GPR180: variants seen among roughly 807,000 people sequenced by gnomAD.
GPR180 encodes G protein-coupled receptor 180.
GPR180 carries 53 observed loss-of-function variants against 52.6 expected under a neutral mutation model. That is an observed-to-expected ratio of 1.01 (90% confidence interval 0.81 to 1.27). The LOEUF is 1.27. Ranked by LOEUF, GPR180 falls within the 50% of genes most tolerant of loss-of-function variation. GPR180 has a pLI of 0.00. For missense variants in GPR180, 533 were observed against 527.0 expected, an observed-to-expected ratio of 1.01 and a Z score of -0.11; for synonymous variants, 200 against 193.1, an observed-to-expected ratio of 1.04 and a Z score of -0.30.
rs554805953 is a variant in GPR180 at position 94,618,697 on chromosome 13, C to T, written c.506-453C>T. ...GTTTATAACAAATTCCCTGGTGATG[C>T]TGCTGGGCAAGAGAACACACTTTGA... On this transcript the variant is annotated intron_variant, in intron 3 of 8. Transcript: ENST00000376958. Among the ~76,000 whole-genome samples, 9 of 152,122 alleles carry T rather than the reference C, an allele frequency of 5.9e-5. No homozygotes were observed. The South Asian group carries it at 1.5e-3, about 25-fold the overall frequency.
intron 3 of GPR180, among the ~76,000 whole-genome samples, chr13:94,613,441 T>C (rs926327092): frequency 6.6e-6 from 1 of 152,162 alleles, no homozygotes; most frequent in Non-Finnish European, 1.5e-5. Flanking sequence ...GATAGAATGG[T>C]GTGCTAATTT....
intron 7 of GPR180, among the ~76,000 whole-genome samples, chr13:94,625,554 G>A (rs1889917919): frequency 6.6e-6 from 1 of 152,064 alleles, no homozygotes; most frequent in Admixed American, 6.6e-5. Context: ...CCCTCAAACA[G>A]GTAACGACTA....
At chr13:94,613,726 A>T (rs1163126827) in intron 3 of GPR180, among the ~76,000 whole-genome samples, 1 of 152,218 alleles carries the variant, frequency 6.6e-6, no homozygotes, top group Non-Finnish European at 1.5e-5. Flanking sequence ...ATAGATCATT[A>T]TTGGAAGTTA....
In GPR180 at chr13:94,619,180, T is replaced by TA. The variant is rs754031443; in HGVS notation, c.537dup (p.Val180SerfsTer18). 6.2e-7 allele frequency: 1 copy of TA among 1,614,100 alleles called. No individual in the cohort carries two copies. Among genetic ancestry groups the TA allele is most frequent in the Non-Finnish European group, 8.5e-7 (1 of 1,179,984 alleles). On this transcript the variant is annotated frameshift_variant, in exon 4 of 9. Transcript: ENST00000376958. LOFTEE classifies it high-confidence loss of function. ...CATGAGTTCTTTTTCCTCCTAGTCCTAGTGTACTTTGTGATTGCTTGCATT... is the reference window on the plus strand; with the variant it reads ...CATGAGTTCTTTTTCCTCCTAGTCCTAAGTGTACTTTGTGATTGCTTGCATT...
Position 94,612,385 on chromosome 13 carries a change from A to C in GPR180, c.500A>C (p.Glu167Ala), listed in dbSNP as rs1331119896. Residue 167 changes from glutamate to alanine, a missense_variant, in exon 3 of 9, where the codon GAA (glutamate) becomes GCA (alanine). By Grantham distance (107) the Glu-to-Ala change is moderately radical. Coordinates refer to ENST00000376958, the MANE Select transcript of GPR180 (RefSeq NM_180989.6). ...CCATTTGATCATTTTAGTGCTGGAG[A>C]ATCTGGTAAGAATATGTATTTGAAT... is the stretch of plus-strand genomic sequence containing the variant. ...GNPFDHFSAGESGLHEFFFLL... is the reference protein window; with the variant it reads ...GNPFDHFSAGASGLHEFFFLL... The C allele has an allele frequency of 1.3e-6, 2 of 1,599,874 alleles. No individual in the cohort carries two copies. Among genetic ancestry groups the C allele is most frequent in the African/African-American group, 2.7e-5 (2 of 74,790 alleles).
At chr13:94,619,960 GAT>G (rs1341993292) in intron 5 of GPR180, among the ~76,000 whole-genome samples, 1 of 152,144 alleles carries the variant, frequency 6.6e-6, no homozygotes, top group Admixed American at 6.5e-5. Flanking sequence ...GGGCTTGAGG[GAT>G]CCACCCACCC....
intron 2 of GPR180, among the ~76,000 whole-genome samples, chr13:94,610,042 C>G (rs1051952926): frequency 2.6e-5 from 4 of 152,216 alleles, no homozygotes; most frequent in African/African-American, 9.6e-5. Context: ...TGCTTAGACT[C>G]AATAATTGTT....
intron 3 of GPR180, among the ~76,000 whole-genome samples, chr13:94,616,933 A>G (rs1566979620): frequency 6.6e-6 from 1 of 152,238 alleles, no homozygotes. Flanking sequence ...GGGAAGAATC[A>G]TCTAAAATTC....
rs116562496 is a variant in GPR180 at position 94,616,002 on chromosome 13, C to G, written c.506-3148C>G. Among the ~76,000 whole-genome samples the G allele has an allele frequency of 2.9e-3, 434 of 152,206 alleles. 2 individuals are homozygous for G. Among genetic ancestry groups the G allele is most frequent in the African/African-American group, 9.5e-3 (396 of 41,520 alleles). On this transcript the variant is annotated intron_variant, in intron 3 of 8. Transcript: ENST00000376958. ...CATAACAAGAAGTTTTGCGGCTTCT[C>G]CAGGGTGGTTTATTTAGCATCTCTC...
intron 6 of GPR180, 55 bp from the exon 7 acceptor site, chr13:94,623,054 A>G (rs1889872374): frequency 7.7e-7 from 1 of 1,302,012 alleles, no homozygotes; most frequent in African/African-American, 1.5e-5. Flanking sequence ...TGAAAAAAAT[A>G]TTGTAATGAG....
Position 94,619,535 on chromosome 13 carries a change from C to T in GPR180, c.736+18C>T, listed in dbSNP as rs1889825863. 3.7e-6 allele frequency: 6 copies of T among 1,602,784 alleles called. No individual in the cohort carries two copies. Among genetic ancestry groups the T allele is most frequent in the Non-Finnish European group, 5.1e-6 (6 of 1,172,376 alleles). On this transcript the variant is annotated intron_variant, in intron 5 of 8. Transcript: ENST00000376958. ...GGCAGAATGTGAGTATCTTTCTGAG[C>T]ATTTTTTAAAAAGCTTTTACACTCG...
intron 2 of GPR180, among the ~76,000 whole-genome samples, chr13:94,607,076 A>T (rs1048661099): frequency 1.3e-5 from 2 of 152,182 alleles, no homozygotes; most frequent in Non-Finnish European, 2.9e-5. Flanking sequence ...TCCCTGTTTT[A>T]AGAATTGGCA....
chr13:94,629,185 C>T lies in GPR180; in HGVS notation c.*2014C>T, dbSNP rs773155249. 42 of 152,074 alleles carry T rather than the reference C, an allele frequency of 2.8e-4. No homozygotes were observed. The highest frequency in any genetic ancestry group is 2.8e-4 in the Non-Finnish European group (19 of 67,974). 9.4% of individuals were successfully genotyped at this position (152,074 alleles called of 1,614,324 possible). ...AGTTCATAAGTCATGACACAGTATT[C>T]GCTCTTTTTCTGAATGTTTACATAG... On this transcript the variant is annotated 3_prime_UTR_variant, in exon 9 of 9. Coordinates refer to ENST00000376958, the MANE Select transcript of GPR180 (RefSeq NM_180989.6).
chr13:94,613,434 A>G (rs141789131), intron 3 of GPR180, among the ~76,000 whole-genome samples: 2 of 152,346 alleles, frequency 1.3e-5, no homozygotes, highest in East Asian at 1.9e-4. Flanking sequence ...ATCTAGTGAT[A>G]GAATGGTGTG....
At position 94,628,282 on chromosome 13, in the gene GPR180, G is replaced by A. The variant is rs777697770; in HGVS notation, c.*1111G>A. On this transcript the variant is annotated 3_prime_UTR_variant, in exon 9 of 9. Coordinates refer to ENST00000376958, the MANE Select transcript of GPR180 (RefSeq NM_180989.6). ...GAGTATGCTAGCTAAAAAATATCAA[G>A]TGCCTGATTAAAGAATTGCTAAATG... is the stretch of plus-strand genomic sequence containing the variant. 1 of 152,266 alleles carries A rather than the reference G, an allele frequency of 6.6e-6. No homozygotes were observed. Among genetic ancestry groups the A allele is most frequent in the African/African-American group, 2.4e-5 (1 of 41,402 alleles). The allele number at this position is 152,266 out of a possible 1,614,324, so 9.4% of individuals were successfully genotyped here.
At chr13:94,617,899 A>G (rs1299323969) in intron 3 of GPR180, among the ~76,000 whole-genome samples, 1 of 152,196 alleles carries the variant, frequency 6.6e-6, no homozygotes, top group Non-Finnish European at 1.5e-5. Flanking sequence ...CTTGACATGT[A>G]AGCAAGTAAA....
In GPR180 at chr13:94,632,313, T is replaced by C. The variant is rs1462651952; in HGVS notation, c.*5142T>C. The C allele has an allele frequency of 6.6e-6, 1 of 152,182 alleles. No homozygotes were observed. The highest frequency in any genetic ancestry group is 1.5e-5 in the Non-Finnish European group (1 of 68,022). 9.4% of individuals were successfully genotyped at this position (152,182 alleles called of 1,614,324 possible). On this transcript the variant is annotated 3_prime_UTR_variant, in exon 9 of 9. Transcript: ENST00000376958. ...GAAGTCCTTCTCTCACTCATTTCCCTTCCCTGAATCCAAACTCTGTTACCA... is the reference window on the plus strand; with the variant it reads ...GAAGTCCTTCTCTCACTCATTTCCCCTCCCTGAATCCAAACTCTGTTACCA...
At chr13:94,604,052 G>A (rs1889595926) in intron 1 of GPR180, among the ~76,000 whole-genome samples, 1 of 152,032 alleles carries the variant, frequency 6.6e-6, no homozygotes, top group Non-Finnish European at 1.5e-5. Flanking sequence ...CCAACCTGGT[G>A]GCTGGGCGTG....
rs900840194 is a variant in GPR180, at chr13:94,627,425, G to A, written c.*254G>A. Reference sequence around the variant, plus strand: ...AAATTATTGAAGCGATTTCTATGTGGAAATAAATGTGAAAAATAACTATGA... The same window carrying A: ...AAATTATTGAAGCGATTTCTATGTGAAAATAAATGTGAAAAATAACTATGA... On this transcript the variant is annotated 3_prime_UTR_variant, in exon 9 of 9. Coordinates refer to ENST00000376958, the MANE Select transcript of GPR180 (RefSeq NM_180989.6). 10 of 408,528 alleles carry A rather than the reference G, an allele frequency of 2.4e-5. No homozygotes were observed. Among genetic ancestry groups the A allele is most frequent in the Non-Finnish European group, 3.9e-5 (9 of 233,704 alleles). The allele number at this position is 408,528 out of a possible 1,614,324, so 25.3% of individuals were successfully genotyped here. A position where few individuals can be genotyped will look rare whatever the true frequency, so the allele number is the denominator to read the frequency against.
Sources: allele counts gnomAD v4.1 joint callset (sites outside exome capture counted in the v4.1 genomes callset), GRCh38; gene constraint gnomAD v4.1.1; transcripts MANE v1.5; gene names NCBI Gene and HGNC (gene_info 2026-07-23, HGNC 2026-07-21).